Variants in GTF2E1 observed in about 807,000 individuals in gnomAD.
GTF2E1 encodes the protein TFIIE alpha subunit.
GTF2E1 carries 14 observed loss-of-function variants against 34.9 expected under a neutral mutation model. The observed-to-expected ratio is 0.40, with a 90% CI of 0.27 to 0.63. GTF2E1 has a LOEUF of 0.63. Ranked by LOEUF, GTF2E1 falls within the 20% of genes least tolerant of loss-of-function variation. The probability of loss-of-function intolerance (pLI) is 0.39; values close to 1 mark genes in which losing one functional copy is unlikely to be tolerated. For synonymous variants in GTF2E1, 188 were observed against 192.9 expected, an observed-to-expected ratio of 0.97 and a Z score of 0.21; for missense variants, 469 against 557.7, an observed-to-expected ratio of 0.84 and a Z score of 1.60.
At chr3:120,743,707 T>G (rs1175788646) in intron 1 of GTF2E1, among the ~76,000 whole-genome samples, 2 of 152,022 alleles carry the variant, frequency 1.3e-5, no homozygotes, top group African/African-American at 4.8e-5. Context: ...AGAAGGGGGT[T>G]TGGGCTTAGC....
Position 120,781,380 on chromosome 3 carries a change from A to G in GTF2E1, c.1230A>G (p.Gln410=). The G allele has an allele frequency of 6.2e-7, 1 of 1,614,132 alleles. No homozygotes were observed. The highest frequency in any genetic ancestry group is 8.5e-7 in the Non-Finnish European group (1 of 1,179,940). Residue 410 remains glutamine, a synonymous_variant, in exon 5 of 5, where the codon CAA becomes CAG. Transcript: ENST00000283875. ...CGTTCTCCTACAGTGAAGTGAGCCA[A>G]CGGCCAGAGCTAGTGGCCCAGATGA... is the stretch of plus-strand genomic sequence containing the variant. ...GRPFSYSEVS[Q]RPELVAQMTP... is the part of the protein sequence containing the mutation.
intron 1 of GTF2E1, among the ~76,000 whole-genome samples, chr3:120,746,690 T>C (rs1227781138): frequency 1.3e-5 from 2 of 152,082 alleles, no homozygotes; most frequent in Non-Finnish European, 2.9e-5. Flanking sequence ...TCTCAGCTAC[T>C]GGGGAGTTTG....
intron 3 of GTF2E1, among the ~76,000 whole-genome samples, chr3:120,776,185 A>C: frequency 6.6e-6 from 1 of 152,156 alleles, no homozygotes. Flanking sequence ...ATTTATATAC[A>C]TCAGAGGATC....
chr3:120,771,531 TG>T (rs945075597), intron 3 of GTF2E1, among the ~76,000 whole-genome samples: 20 of 152,224 alleles, frequency 1.3e-4, no homozygotes, highest in Admixed American at 1.3e-4. Flanking sequence ...AAATGAAAAT[TG>T]GGGTCAGGGA....
rs142160555 is a variant in GTF2E1 at position 120,756,787 on chromosome 3, G to A, written c.448+5787G>A. On this transcript the variant is annotated intron_variant, in intron 2 of 4. Transcript: ENST00000283875. ...CTAAAAATACAAAAATTAGCTGGGC[G>A]TGGTGGAGTGCGCCTGTAATCTCAG... Among the ~76,000 whole-genome samples, 420 of 152,130 alleles carry A rather than the reference G, an allele frequency of 2.8e-3. 2 individuals carry two copies. Among genetic ancestry groups the A allele is most frequent in the African/African-American group, 9.5e-3 (395 of 41,512 alleles).
At chr3:120,767,879 G>A (rs986500600) in intron 2 of GTF2E1, among the ~76,000 whole-genome samples, 11 of 152,040 alleles carry the variant, frequency 7.2e-5, no homozygotes, top group Admixed American at 7.2e-4. Context: ...AATTACTCGA[G>A]TTAAAGGACT....
chr3:120,767,870 A>T (rs1709322017), intron 2 of GTF2E1, among the ~76,000 whole-genome samples: 1 of 152,122 alleles, frequency 6.6e-6, no homozygotes, highest in Non-Finnish European at 1.5e-5. Context: ...ATGAAAATAA[A>T]TTACTCGAGT....
intron 3 of GTF2E1, among the ~76,000 whole-genome samples, chr3:120,773,903 TAA>T (rs967315834): frequency 1.3e-4 from 20 of 152,318 alleles, no homozygotes; most frequent in Admixed American, 1.3e-3. Context: ...AAAGACTTTT[TAA>T]AAGTACTCTT....
chr3:120,781,559 C>A lies in GTF2E1; in HGVS notation c.*89C>A. 1 of 993,582 alleles carries A rather than the reference C, an allele frequency of 1.0e-6. No homozygotes were observed. The highest frequency in any genetic ancestry group is 1.5e-6 in the Non-Finnish European group (1 of 661,096). 61.5% of individuals were successfully genotyped at this position (993,582 alleles called of 1,614,324 possible). ...AGAAAAGTATTTAAGTGGCTTTCTG[C>A]CCCTCTTGATGTAAGCAACTGTCCA... On this transcript the variant is annotated 3_prime_UTR_variant, in exon 5 of 5. Transcript: ENST00000283875.
chr3:120,748,056 A>T (rs1387272791), intron 1 of GTF2E1, among the ~76,000 whole-genome samples: 2 of 151,664 alleles, frequency 1.3e-5, no homozygotes, highest in African/African-American at 4.8e-5. Flanking sequence ...TTCTTTTGAG[A>T]AGTGTCTGTT....
intron 2 of GTF2E1, among the ~76,000 whole-genome samples, chr3:120,767,109 G>T (rs1709316280): frequency 6.6e-6 from 1 of 152,052 alleles, no homozygotes; most frequent in Non-Finnish European, 1.5e-5. Context: ...GATAAACACA[G>T]GGCTCAGAGA....
In GTF2E1 at chr3:120,781,233, A is replaced by C. The variant is rs1457163466; in HGVS notation, c.1083A>C (p.Ser361=). Residue 361 remains serine (S), a synonymous_variant, in exon 5 of 5, where the codon TCA becomes TCC. Transcript: ENST00000283875. ...ACTCAGAAAGCGAGACCAGTGAGTC[A>C]GATGATGATTCTCCACCCCGTCCGG... ...GSDSESETSE[S]DDDSPPRPAA... 2 of 1,614,082 alleles carry C rather than the reference A, an allele frequency of 1.2e-6. No homozygotes were observed. Among genetic ancestry groups the C allele is most frequent in the African/African-American group, 2.7e-5 (2 of 74,948 alleles).
intron 1 of GTF2E1, among the ~76,000 whole-genome samples, chr3:120,745,465 G>C (rs1262515434): frequency 1.3e-5 from 2 of 152,134 alleles, no homozygotes; most frequent in Non-Finnish European, 2.9e-5. Context: ...TTGCTGCATA[G>C]TAGAGTCACC....
In GTF2E1 at chr3:120,756,879, T is replaced by C. The variant is rs535766919; in HGVS notation, c.448+5879T>C. On this transcript the variant is annotated intron_variant, in intron 2 of 4. Coordinates refer to ENST00000283875, the MANE Select transcript of GTF2E1 (RefSeq NM_005513.3). Reference sequence around the variant, plus strand: ...AGCCAGAGGTTGCAGTGAGCCGAGATCGCACCACTGCACTCCAGTCTGGGC... The same window carrying C: ...AGCCAGAGGTTGCAGTGAGCCGAGACCGCACCACTGCACTCCAGTCTGGGC... Among the ~76,000 whole-genome samples, 117 of 152,140 alleles carry C rather than the reference T, an allele frequency of 7.7e-4. 1 individual carries two copies. The highest frequency in any genetic ancestry group is 2.7e-3 in the African/African-American group (113 of 41,488).
At chr3:120,743,828 A>G (rs543980556) in intron 1 of GTF2E1, among the ~76,000 whole-genome samples, 9 of 152,206 alleles carry the variant, frequency 5.9e-5, no homozygotes, top group Non-Finnish European at 1.3e-4. Flanking sequence ...CTGACAGGGT[A>G]GACAGAGGGC....
chr3:120,773,163 G>T (rs1374517426), intron 3 of GTF2E1, among the ~76,000 whole-genome samples: 4 of 152,046 alleles, frequency 2.6e-5, no homozygotes, highest in Non-Finnish European at 5.9e-5. Flanking sequence ...AAAACCATTA[G>T]GTTAGAAGAT....
intron 2 of GTF2E1, among the ~76,000 whole-genome samples, chr3:120,752,899 G>A (rs1426059034): frequency 3.3e-5 from 5 of 152,148 alleles, no homozygotes; most frequent in Non-Finnish European, 5.9e-5. Context: ...GGGTGCCCTG[G>A]TCAGCCAACA....
intron 2 of GTF2E1, among the ~76,000 whole-genome samples, chr3:120,763,813 G>C (rs1368456422): frequency 6.6e-6 from 1 of 152,066 alleles, no homozygotes; most frequent in Admixed American, 6.6e-5. Flanking sequence ...ATAGCAACTA[G>C]TGATCCTTCT....
intron 1 of GTF2E1, among the ~76,000 whole-genome samples, chr3:120,745,813 C>G (rs16831597): frequency 0.064 from 9,690 of 152,082 alleles, 888 homozygotes; most frequent in African/African-American, 0.2. Flanking sequence ...ATGTATAGAC[C>G]AAACCGAAAA....
Sources: allele counts gnomAD v4.1 joint callset (sites outside exome capture counted in the v4.1 genomes callset), GRCh38; gene constraint gnomAD v4.1.1; transcripts MANE v1.5; gene names NCBI Gene and HGNC (gene_info 2026-07-23, HGNC 2026-07-21).